The following GHR variants were observed in gnomAD, a reference collection of about 807,000 sequenced individuals.
GHR encodes the protein growth hormone receptor, also known as GH receptor.
Under a neutral mutation model 67.1 loss-of-function variants are expected in GHR, and 35 were observed. The observed-to-expected ratio is 0.52, with a 90% CI of 0.40 to 0.69. The LOEUF is 0.69. Among genes scored for constraint, GHR ranks in the 30% least tolerant of loss-of-function variants. GHR has a pLI of 0.00. For missense variants in GHR, 792 were observed against 764.6 expected (o/e 1.04, Z -0.42); for synonymous variants, 272 against 269.1 (o/e 1.01, Z -0.10).
At chr5:42,689,128 T>C (rs1757301752) in intron 4 of GHR, 109 bp downstream of exon 4, 2 of 970,118 alleles carry the variant, frequency 2.1e-6, no homozygotes, top group African/African-American at 1.6e-5. Context: ...ATTTATGCAA[T>C]CAATGAATAT....
At chr5:42,588,685 T>C (rs111842215) in intron 2 of GHR, among the ~76,000 whole-genome samples, 3 of 152,096 alleles carry the variant, frequency 2.0e-5, no homozygotes, top group Non-Finnish European at 4.4e-5. Flanking sequence ...AATTCTGCCC[T>C]TTTTTTCCTC....
intron 8 of GHR, among the ~76,000 whole-genome samples, chr5:42,717,218 T>C (rs954363874): frequency 3.3e-5 from 5 of 152,134 alleles, no homozygotes; most frequent in Admixed American, 3.3e-4. Context: ...GAATATCGCT[T>C]GGCCCAGGAG....
intron 1 of GHR, chr5:42,468,953 C>A: frequency 2.3e-6 from 1 of 428,336 alleles, no homozygotes; most frequent in Non-Finnish European, 4.3e-6. Flanking sequence ...CCCAGAAGAT[C>A]GAAGAACAAT....
chr5:42,485,750 T>A (rs769664061), intron 1 of GHR, among the ~76,000 whole-genome samples: 3 of 152,354 alleles, frequency 2.0e-5, no homozygotes, highest in Admixed American at 1.3e-4. Context: ...CAGTTTTACA[T>A]AGATTCATTA....
chr5:42,527,321 T>C (rs190098664), intron 1 of GHR, among the ~76,000 whole-genome samples: 1 of 152,250 alleles, frequency 6.6e-6, no homozygotes, highest in Non-Finnish European at 1.5e-5. Flanking sequence ...TATCCTGTCT[T>C]CAATAGACCC....
Position 42,689,010 on chromosome 5 carries a change from A to G in GHR, c.257A>G (p.Tyr86Cys). The G allele has an allele frequency of 6.2e-7, 1 of 1,613,810 alleles. No individual in the cohort carries two copies. Residue 86 changes from tyrosine to cysteine, a missense_variant, in exon 4 of 10, where the codon TAT (tyrosine) becomes TGT (cysteine). Physicochemically the swap from Tyr to Cys is radical, Grantham distance 194. Coordinates refer to ENST00000230882, the MANE Select transcript of GHR (RefSeq NM_000163.5). ...TKNLGPIQLF[Y>C]TRRNTQEWTQ... is the part of the protein sequence containing the mutation. ...AACCTAGGACCCATACAGCTGTTCT[A>G]TACCAGAAGGTGCCACCATCATGCC...
chr5:42,571,656 C>T (rs763139423), intron 2 of GHR, among the ~76,000 whole-genome samples: 1 of 152,124 alleles, frequency 6.6e-6, no homozygotes. Flanking sequence ...AGGAGTGGGA[C>T]CACCCAAGAA....
intron 3 of GHR, among the ~76,000 whole-genome samples, chr5:42,664,371 G>C (rs929378665): frequency 2.1e-4 from 32 of 152,150 alleles, no homozygotes; most frequent in Admixed American, 5.2e-4. Flanking sequence ...AACCAAAACA[G>C]CATGGTACTG....
intron 2 of GHR, among the ~76,000 whole-genome samples, chr5:42,628,225 A>G (rs1192615206): frequency 1.3e-5 from 2 of 151,888 alleles, no homozygotes; most frequent in East Asian, 3.9e-4. Flanking sequence ...TGAGTGCACG[A>G]TAGGGGGTGT....
chr5:42,428,639 A>G (rs1171554008), intron 1 of GHR, among the ~76,000 whole-genome samples: 1 of 152,134 alleles, frequency 6.6e-6, no homozygotes, highest in Non-Finnish European at 1.5e-5. Context: ...CTTCTGCCAG[A>G]TACCCTAAAT....
chr5:42,529,009 GTAACTTT>G (rs1747832975), intron 1 of GHR, among the ~76,000 whole-genome samples: 1 of 135,110 alleles, frequency 7.4e-6, no homozygotes, highest in Admixed American at 7.8e-5. Flanking sequence ...GATTATACAC[GTAACTTT>G]TTTTTTTTTT....
chr5:42,680,860 T>TA (rs1434663943), intron 3 of GHR, among the ~76,000 whole-genome samples: 19 of 151,662 alleles, frequency 1.3e-4, no homozygotes, highest in Non-Finnish European at 2.4e-4. Context: ...ATTATTTTTT[T>TA]TTATTATACT....
At chr5:42,576,085 AAAATAAAATAAAAT>A (rs1282171147) in intron 2 of GHR, among the ~76,000 whole-genome samples, 96 of 91,618 alleles carry the variant, frequency 1.0e-3, no homozygotes, top group Admixed American at 1.8e-3. Context: ...AAAATAAAAT[AAAATAAAATAAAAT>A]AAATAAAATA....
intron 1 of GHR, among the ~76,000 whole-genome samples, chr5:42,499,966 G>T (rs1746472844): frequency 6.6e-6 from 1 of 152,130 alleles, no homozygotes; most frequent in Non-Finnish European, 1.5e-5. Context: ...GAGGAATGCT[G>T]GTTCTAATCT....
At chr5:42,502,206 C>T (rs1746568386) in intron 1 of GHR, among the ~76,000 whole-genome samples, 1 of 152,136 alleles carries the variant, frequency 6.6e-6, no homozygotes, top group South Asian at 2.1e-4. Context: ...TATGATAAAC[C>T]TCAGTGATTC....
intron 1 of GHR, among the ~76,000 whole-genome samples, chr5:42,483,965 C>T (rs1579796048): frequency 6.6e-6 from 1 of 152,026 alleles, no homozygotes. Flanking sequence ...CTACTGTTGT[C>T]TCTGTGCAGA....
intron 1 of GHR, chr5:42,514,474 A>T (rs1016511678): frequency 4.5e-4 from 40 of 89,634 alleles, no homozygotes; most frequent in Admixed American, 1.1e-3. Context: ...TTCTAGATTT[A>T]AAAAAAAAAA....
At chr5:42,447,882 T>C (rs1367219214) in intron 1 of GHR, among the ~76,000 whole-genome samples, 1 of 151,850 alleles carries the variant, frequency 6.6e-6, no homozygotes, top group Admixed American at 6.6e-5. Context: ...GCAATTCTCC[T>C]GTCTCAGCCT....
chr5:42,512,802 T>G (rs2112271148), intron 1 of GHR, among the ~76,000 whole-genome samples: 1 of 138,704 alleles, frequency 7.2e-6, no homozygotes, highest in South Asian at 2.2e-4. Context: ...TCAGTAACTT[T>G]TTTTTTTTTT....
Sources: gnomAD v4.1 joint callset for allele counts (sites outside exome capture counted in the v4.1 genomes callset) on GRCh38, gnomAD v4.1.1 for gene constraint, MANE v1.5 for transcripts, NCBI Gene and HGNC (gene_info 2026-07-23, HGNC 2026-07-21) for gene names.